TDRD3: variants seen among roughly 807,000 people sequenced by gnomAD.
TDRD3 encodes tudor domain-containing protein 3.
TDRD3 carries 45 observed loss-of-function variants against 86.7 expected under a neutral mutation model. That is an observed-to-expected ratio of 0.52 (90% CI 0.41 to 0.67). The LOEUF is 0.67. Among genes scored for constraint, TDRD3 ranks in the 30% least tolerant of loss-of-function variants. The pLI, the probability that TDRD3 is intolerant of heterozygous loss-of-function variation, is 0.00. For synonymous variants in TDRD3, 298 were observed against 301.7 expected, an observed-to-expected ratio of 0.99 and a Z score of 0.13; for missense variants, 814 against 889.0, an observed-to-expected ratio of 0.92 and a Z score of 1.07.
intron 1 of TDRD3, among the ~76,000 whole-genome samples, chr13:60,404,742 T>G (rs1247194299): frequency 2.0e-5 from 3 of 152,180 alleles, no homozygotes; most frequent in African/African-American, 4.8e-5. Context: ...GTAGCTGGGA[T>G]TACAGGTGCC....
At position 60,502,830 on chromosome 13, in the gene TDRD3, C is replaced by G. The variant is rs188321896; in HGVS notation, c.859-6933C>G. ...TTGACTCCTTAAAGGGAAGCATATC[C>G]TTCCAGTCAAAGCCTTGATAAAATA... On this transcript the variant is annotated intron_variant, in intron 8 of 13. Coordinates refer to ENST00000377881, the MANE Select transcript of TDRD3 (RefSeq NM_001146070.2). Among the ~76,000 whole-genome samples the G allele has an allele frequency of 1.5e-3, 221 of 152,266 alleles. 1 individual carries two copies. Among genetic ancestry groups the G allele is most frequent in the East Asian group, 0.01 (54 of 5,172 alleles).
At chr13:60,525,166 C>CTTTTTTTTTTTT (rs71199006) in intron 10 of TDRD3, among the ~76,000 whole-genome samples, 3 of 56,082 alleles carry the variant, frequency 5.3e-5, no homozygotes, top group Admixed American at 3.1e-4. Context: ...TAAGGGAATT[C>CTTTTTTTTTTTT]TTTTTTTTTT....
intron 12 of TDRD3, among the ~76,000 whole-genome samples, chr13:60,538,983 C>A (rs1957755274): frequency 6.6e-6 from 1 of 152,090 alleles, no homozygotes; most frequent in Admixed American, 6.6e-5. Context: ...ATAGTATCTG[C>A]TTCTTGGTAT....
At chr13:60,496,509 T>C (rs1056667595) in intron 8 of TDRD3, among the ~76,000 whole-genome samples, 6 of 151,644 alleles carry the variant, frequency 4.0e-5, no homozygotes, top group Non-Finnish European at 8.8e-5. Flanking sequence ...ACTCTACTTC[T>C]AATAGTGTGG....
At chr13:60,407,436 C>G (rs1954261349) in intron 1 of TDRD3, among the ~76,000 whole-genome samples, 1 of 152,084 alleles carries the variant, frequency 6.6e-6, no homozygotes, top group Admixed American at 6.6e-5. Context: ...GAAATTTAAA[C>G]AAAATGTTAT....
intron 10 of TDRD3, among the ~76,000 whole-genome samples, chr13:60,517,229 C>T (rs1489711303): frequency 6.7e-6 from 1 of 150,374 alleles, no homozygotes; most frequent in Non-Finnish European, 1.5e-5. Context: ...GATAGTTTGC[C>T]TTGTAGATTT....
At chr13:60,497,479 G>A (rs981747465) in intron 8 of TDRD3, among the ~76,000 whole-genome samples, 8 of 152,156 alleles carry the variant, frequency 5.3e-5, no homozygotes, top group African/African-American at 1.9e-4. Context: ...TTAAAGGTGG[G>A]TGCAGTCACC....
At chr13:60,463,097 A>G (rs1416723533) in intron 4 of TDRD3, among the ~76,000 whole-genome samples, 1 of 152,176 alleles carries the variant, frequency 6.6e-6, no homozygotes, top group Non-Finnish European at 1.5e-5. Flanking sequence ...CACCATATAC[A>G]AAAATCAACC....
At chr13:60,442,081 A>C (rs1036187453) in intron 2 of TDRD3, among the ~76,000 whole-genome samples, 14 of 152,150 alleles carry the variant, frequency 9.2e-5, no homozygotes, top group African/African-American at 3.4e-4. Context: ...TGTAACTTTT[A>C]GGCTTAGCTT....
chr13:60,432,652 A>T (rs917384922), intron 1 of TDRD3, among the ~76,000 whole-genome samples: 4 of 152,194 alleles, frequency 2.6e-5, no homozygotes, highest in Admixed American at 6.6e-5. Context: ...GGTAATTTTT[A>T]AAAAATATCT....
intron 8 of TDRD3, among the ~76,000 whole-genome samples, chr13:60,500,166 C>T (rs533984403): frequency 3.2e-4 from 48 of 152,230 alleles, no homozygotes; most frequent in African/African-American, 1.1e-3. Context: ...TGGTGGAAAC[C>T]GAACATTTGA....
At chr13:60,518,520 T>TA (rs540354529) in intron 10 of TDRD3, among the ~76,000 whole-genome samples, 51 of 151,594 alleles carry the variant, frequency 3.4e-4, no homozygotes, top group African/African-American at 1.0e-3. Flanking sequence ...AATTGTGATT[T>TA]AAAAAAAAAC....
At chr13:60,567,434 G>T in intron 12 of TDRD3, 91 bp from the exon 13 acceptor site, 1 of 1,545,426 alleles carries the variant, frequency 6.5e-7, no homozygotes, top group East Asian at 2.3e-5. Context: ...GCTTAAGAGA[G>T]ATATTATTAA....
chr13:60,572,714 C>T (rs1485165510), intron 13 of TDRD3, among the ~76,000 whole-genome samples: 1 of 152,136 alleles, frequency 6.6e-6, no homozygotes, highest in African/African-American at 2.4e-5. Context: ...ACCTTAAAAC[C>T]AATAGCTAAG....
intron 10 of TDRD3, among the ~76,000 whole-genome samples, chr13:60,525,464 G>A (rs1426717945): frequency 2.0e-5 from 3 of 151,766 alleles, no homozygotes; most frequent in Non-Finnish European, 2.9e-5. Flanking sequence ...GTGAACCACC[G>A]CACCTGGCCA....
chr13:60,397,750 C>T (rs868289735), intron 1 of TDRD3, among the ~76,000 whole-genome samples: 7 of 151,714 alleles, frequency 4.6e-5, no homozygotes, highest in Admixed American at 3.3e-4. Flanking sequence ...CCTGCAGCGC[C>T]GTCCGCGCGG....
intron 8 of TDRD3, among the ~76,000 whole-genome samples, chr13:60,495,137 G>A (rs1284984005): frequency 6.6e-6 from 1 of 152,158 alleles, no homozygotes; most frequent in Non-Finnish European, 1.5e-5. Flanking sequence ...TGTCTTTAGG[G>A]TACAGAATAT....
chr13:60,424,595 T>C (rs545211732), intron 1 of TDRD3, among the ~76,000 whole-genome samples: 5 of 152,174 alleles, frequency 3.3e-5, no homozygotes, highest in East Asian at 3.9e-4. Context: ...GAGAATTGCT[T>C]GAACCCAGGA....
At chr13:60,429,947 T>C (rs1340752582) in intron 1 of TDRD3, among the ~76,000 whole-genome samples, 2 of 152,196 alleles carry the variant, frequency 1.3e-5, no homozygotes, top group African/African-American at 2.4e-5. Context: ...CTAATACTTA[T>C]TTAGCACCTA....
Sources: allele counts gnomAD v4.1 joint callset (sites outside exome capture counted in the v4.1 genomes callset), GRCh38; gene constraint gnomAD v4.1.1; transcripts MANE v1.5; gene names NCBI Gene and HGNC (gene_info 2026-07-23, HGNC 2026-07-21).